Variants in ESRRG observed in about 807,000 individuals in gnomAD.
The protein encoded by ESRRG is estrogen-related receptor gamma.
In ESRRG, 13 loss-of-function variants were observed where a neutral mutation model predicts 44.0. The ratio of observed to expected loss-of-function variants is 0.30; its 90% CI spans 0.19 to 0.47. The LOEUF (loss-of-function observed/expected upper bound fraction) is 0.47. Among genes scored for constraint, ESRRG ranks in the 20% least tolerant of loss-of-function variants. The pLI, the probability that ESRRG is intolerant of heterozygous loss-of-function variation, is 1.00. For synonymous variants in ESRRG, 215 were observed against 214.6 expected, an observed-to-expected ratio of 1.00 and a Z score of -0.02; for missense variants, 395 against 580.6, an observed-to-expected ratio of 0.68 and a Z score of 3.29.
intron 1 of ESRRG, among the ~76,000 whole-genome samples, chr1:217,068,032 A>T (rs1359620790): frequency 6.6e-6 from 1 of 152,184 alleles, no homozygotes; most frequent in African/African-American, 2.4e-5. Flanking sequence ...TTACATGGTA[A>T]AGTGGGTAGG....
intron 1 of ESRRG, among the ~76,000 whole-genome samples, chr1:217,087,153 C>T (rs1447525969): frequency 1.3e-5 from 2 of 152,250 alleles, no homozygotes; most frequent in Non-Finnish European, 2.9e-5. Context: ...AGCCCATTAC[C>T]TCTGGCGGGC....
intron 3 of ESRRG, among the ~76,000 whole-genome samples, chr1:216,634,067 C>G (rs1401171885): frequency 6.6e-6 from 1 of 152,118 alleles, no homozygotes; most frequent in East Asian, 1.9e-4. Context: ...AGCAGTAAAC[C>G]ACCAATGGAC....
At chr1:217,001,578 T>C (rs939909866) in intron 1 of ESRRG, among the ~76,000 whole-genome samples, 1 of 152,180 alleles carries the variant, frequency 6.6e-6, no homozygotes, top group Non-Finnish European at 1.5e-5. Flanking sequence ...GCGTTGATCA[T>C]GAAATATATA....
At position 216,829,699 on chromosome 1, in the gene ESRRG, G is replaced by A. The variant is rs368144603; in HGVS notation, c.-14+109883C>T. On this transcript the variant is annotated intron_variant, in intron 2 of 7. Transcript: ENST00000359162. ...CCCCTAGGTAGCTGGGATTATGGGC[G>A]CCTGCCACCATGCCCACCTAATTTT... Among the ~76,000 whole-genome samples, 7 of 151,950 alleles carry A rather than the reference G, an allele frequency of 4.6e-5. No individual in the cohort carries two copies. The South Asian group carries it at 1.0e-3, about 23-fold the overall frequency.
chr1:217,022,369 G>A (rs1324148885), intron 1 of ESRRG, among the ~76,000 whole-genome samples: 3 of 152,200 alleles, frequency 2.0e-5, no homozygotes, highest in Admixed American at 6.5e-5. Context: ...ATCAATTACC[G>A]ATTTAGGGCC....
chr1:216,852,960 C>T (rs1023401411), intron 2 of ESRRG, among the ~76,000 whole-genome samples: 2 of 152,152 alleles, frequency 1.3e-5, no homozygotes, highest in East Asian at 3.9e-4. Context: ...GTACTACCTA[C>T]TTGTTTTACA....
At chr1:217,121,325 C>G (rs536510753) in intron 1 of ESRRG, among the ~76,000 whole-genome samples, 1 of 152,258 alleles carries the variant, frequency 6.6e-6, no homozygotes, top group East Asian at 1.9e-4. Flanking sequence ...AACTTTTGTG[C>G]TCTGCAAAGC....
intron 3 of ESRRG, among the ~76,000 whole-genome samples, chr1:216,637,593 A>G (rs2065547498): frequency 6.6e-6 from 1 of 152,250 alleles, no homozygotes; most frequent in African/African-American, 2.4e-5. Flanking sequence ...AGTACAGCAT[A>G]TGAGCTTCAG....
chr1:216,581,679 G>A (rs11572752), intron 3 of ESRRG, among the ~76,000 whole-genome samples: 2,415 of 152,150 alleles, frequency 0.016, 76 homozygotes, highest in African/African-American at 0.055. Flanking sequence ...GGCATGAACT[G>A]TGGTGAACCC....
intron 2 of ESRRG, among the ~76,000 whole-genome samples, chr1:216,667,353 T>C (rs1192806849): frequency 6.6e-6 from 1 of 152,202 alleles, no homozygotes; most frequent in Non-Finnish European, 1.5e-5. Context: ...TGGGCTTATG[T>C]AACAGGTACT....
chr1:216,792,221 T>G (rs1559654457), intron 2 of ESRRG, among the ~76,000 whole-genome samples: 1 of 152,154 alleles, frequency 6.6e-6, no homozygotes, highest in Non-Finnish European at 1.5e-5. Context: ...TTCATGCATA[T>G]TTGCTAAATA....
At chr1:216,983,783 C>T (rs577973760) in intron 1 of ESRRG, among the ~76,000 whole-genome samples, 21 of 149,288 alleles carry the variant, frequency 1.4e-4, no homozygotes, top group East Asian at 4.0e-4. Context: ...TTTTTTGCAA[C>T]GCATACCAAG....
chr1:217,017,195 A>G (rs2079525485), intron 1 of ESRRG, among the ~76,000 whole-genome samples: 1 of 152,190 alleles, frequency 6.6e-6, no homozygotes, highest in South Asian at 2.1e-4. Context: ...CTTGTGGAGT[A>G]GAGTGTAATC....
intron 2 of ESRRG, among the ~76,000 whole-genome samples, chr1:216,831,579 A>T (rs1126021): frequency 2.0e-5 from 3 of 151,778 alleles, no homozygotes; most frequent in Non-Finnish European, 2.9e-5. Context: ...GAAGAGAAAG[A>T]GATTACTAAA....
intron 2 of ESRRG, among the ~76,000 whole-genome samples, chr1:216,810,227 C>T (rs1236842717): frequency 6.6e-6 from 1 of 152,166 alleles, no homozygotes; most frequent in Non-Finnish European, 1.5e-5. Context: ...GACATGCCTC[C>T]ATGCCTTTGC....
chr1:217,048,190 G>A (rs17045056), intron 1 of ESRRG, among the ~76,000 whole-genome samples: 4,115 of 152,256 alleles, frequency 0.027, 121 homozygotes, highest in East Asian at 0.1. Flanking sequence ...AGTACAGCAG[G>A]ATCTAGGAGG....
chr1:216,812,531 A>G (rs1418400715), intron 2 of ESRRG, among the ~76,000 whole-genome samples: 1 of 152,220 alleles, frequency 6.6e-6, no homozygotes, highest in Non-Finnish European at 1.5e-5. Flanking sequence ...CATAGCACTC[A>G]TAGATGCTAT....
intron 2 of ESRRG, among the ~76,000 whole-genome samples, chr1:216,789,068 G>A (rs1199464465): frequency 6.6e-6 from 1 of 152,128 alleles, no homozygotes; most frequent in Admixed American, 6.6e-5. Flanking sequence ...TGTGGATATG[G>A]CAATAAAGGA....
intron 1 of ESRRG, among the ~76,000 whole-genome samples, chr1:216,991,817 A>C (rs1161225249): frequency 6.6e-6 from 1 of 152,200 alleles, no homozygotes; most frequent in Non-Finnish European, 1.5e-5. Context: ...TAAACTATAC[A>C]TTCTGCAAAT....
Sources: allele counts gnomAD v4.1 joint callset (sites outside exome capture counted in the v4.1 genomes callset), GRCh38; gene constraint gnomAD v4.1.1; transcripts MANE v1.5; gene names NCBI Gene and HGNC (gene_info 2026-07-23, HGNC 2026-07-21).